GIPC2: variants seen among roughly 807,000 people sequenced by gnomAD.
GIPC2 encodes GIPC PDZ domain containing family member 2, also known as PDZ domain-containing protein GIPC2.
Under a neutral mutation model 30.6 loss-of-function variants are expected in GIPC2, and 30 were observed. That is an observed-to-expected ratio of 0.98 (90% CI 0.73 to 1.33). GIPC2 has a LOEUF of 1.33. Among genes scored for constraint, GIPC2 ranks in the 40% most tolerant of loss-of-function variants. GIPC2 has a pLI of 0.00. For synonymous variants in GIPC2, 167 were observed against 150.0 expected (o/e 1.11, Z -0.83); for missense variants, 414 against 390.3 (o/e 1.06, Z -0.51).
chr1:78,069,779 A>G (rs1661584639), intron 1 of GIPC2, among the ~76,000 whole-genome samples: 4 of 152,126 alleles, frequency 2.6e-5, no homozygotes, highest in Admixed American at 2.0e-4. Context: ...TGACCCCTGT[A>G]GTACATTTTT....
At chr1:78,133,441 C>G (rs1041849032) in intron 5 of GIPC2, among the ~76,000 whole-genome samples, 13 of 152,106 alleles carry the variant, frequency 8.5e-5, no homozygotes, top group African/African-American at 2.9e-4. Context: ...TTTGTTTGTG[C>G]ATTTAAGCAT....
At chr1:78,047,147 G>T (rs1223535644) in intron 1 of GIPC2, among the ~76,000 whole-genome samples, 1 of 152,222 alleles carries the variant, frequency 6.6e-6, no homozygotes, top group Non-Finnish European at 1.5e-5. Flanking sequence ...ACTAGTTTAT[G>T]TGAACGTTTA....
chr1:78,068,156 T>C (rs638668), intron 1 of GIPC2, among the ~76,000 whole-genome samples: 34,318 of 152,010 alleles, frequency 0.23, 4,196 homozygotes, highest in East Asian at 0.49. Flanking sequence ...TAGTAATACA[T>C]GTAGTTCTTC....
At position 78,065,234 on chromosome 1, in the gene GIPC2, T is replaced by G. The variant is rs528099605; in HGVS notation, c.241-15441T>G. Among the ~76,000 whole-genome samples the G allele has an allele frequency of 7.2e-5, 11 of 152,298 alleles. No individual in the cohort carries two copies. The South Asian group carries it at 2.1e-3, about 29-fold the overall frequency. On this transcript the variant is annotated intron_variant, in intron 1 of 5. Transcript: ENST00000370759. ...AAAAGAGTAGAACATGTGTTTGGCT[T>G]GTTAAATTTGTGATATTCTTCCTAT...
chr1:78,134,852 C>T (rs914379653), intron 5 of GIPC2, among the ~76,000 whole-genome samples: 15 of 152,170 alleles, frequency 9.9e-5, no homozygotes, highest in African/African-American at 3.6e-4. Context: ...TTTCTGGTTG[C>T]TGGTGCTTCT....
At position 78,135,677 on chromosome 1, in the gene GIPC2, G is replaced by A. The variant is rs113588229; in HGVS notation, c.882G>A (p.Ala294=). 972 of 1,613,118 alleles carry A rather than the reference G, an allele frequency of 6.0e-4. 6 individuals carry two copies. In the African/African-American group the frequency reaches 0.011, roughly 19 times the overall value. Residue 294 remains alanine (A), a synonymous_variant, in exon 6 of 6, where the codon GCG becomes GCA. Coordinates refer to ENST00000370759, the MANE Select transcript of GIPC2 (RefSeq NM_017655.6). ...TTGACGAAACTCTTGGAGACTTTGC[G>A]TTCCCAGACGAATTTGTCTTTGATG... ...VALDETLGDF[A]FPDEFVFDVW... is the part of the protein sequence containing the mutation.
intron 1 of GIPC2, among the ~76,000 whole-genome samples, chr1:78,075,451 G>A (rs1661700790): frequency 6.6e-6 from 1 of 152,172 alleles, no homozygotes; most frequent in African/African-American, 2.4e-5. Flanking sequence ...GTGAGACCCT[G>A]TCTCAAAATA....
intron 1 of GIPC2, among the ~76,000 whole-genome samples, chr1:78,059,574 C>G (rs138616793): frequency 6.6e-6 from 1 of 152,128 alleles, no homozygotes; most frequent in South Asian, 2.1e-4. Context: ...GAAATCCCCT[C>G]TCTACAAAAA....
intron 1 of GIPC2, among the ~76,000 whole-genome samples, chr1:78,074,419 C>T (rs940890879): frequency 2.1e-5 from 3 of 143,592 alleles, no homozygotes; most frequent in African/African-American, 7.8e-5. Flanking sequence ...GGTGTAGTCT[C>T]GCTGAGGCGA....
chr1:78,091,707 C>A, intron 2 of GIPC2: 2 of 774,210 alleles, frequency 2.6e-6, no homozygotes, highest in Admixed American at 3.4e-5. Flanking sequence ...CTAGAAAGCA[C>A]ATATTTGGTA....
intron 1 of GIPC2, among the ~76,000 whole-genome samples, chr1:78,062,794 C>T (rs895887991): frequency 5.9e-5 from 9 of 151,856 alleles, no homozygotes; most frequent in Admixed American, 3.9e-4. Context: ...CATGAGCCAT[C>T]GTGCCTGGCC....
At chr1:78,081,982 C>T (rs563317665) in intron 2 of GIPC2, among the ~76,000 whole-genome samples, 50 of 152,252 alleles carry the variant, frequency 3.3e-4, no homozygotes, top group African/African-American at 1.1e-3. Context: ...CATTTGTGCC[C>T]CTTCCCAGTC....
intron 2 of GIPC2, among the ~76,000 whole-genome samples, chr1:78,087,955 T>C (rs1661962784): frequency 6.6e-6 from 1 of 152,052 alleles, no homozygotes; most frequent in Non-Finnish European, 1.5e-5. Context: ...CATGAACACT[T>C]TTCAAAAGCA....
At chr1:78,126,838 A>G (rs1259760247) in intron 5 of GIPC2, among the ~76,000 whole-genome samples, 4 of 152,126 alleles carry the variant, frequency 2.6e-5, no homozygotes, top group Non-Finnish European at 5.9e-5. Flanking sequence ...AAAATGCCCA[A>G]TATTGTCGCT....
rs1661272920 is a variant in GIPC2 at position 78,055,529 on chromosome 1, C to G, written c.240+9195C>G. ...TCTAGTTGTCCTTAACCTTCCATCT[C>G]AGCCTCTCTCTCTCCCTGCTTATTC... On this transcript the variant is annotated intron_variant, in intron 1 of 5. Transcript: ENST00000370759. 2.0e-5 allele frequency among the ~76,000 whole-genome samples: 3 copies of G among 152,264 alleles called. No homozygotes were observed. In the South Asian group the frequency reaches 6.2e-4, roughly 32 times the overall value.
intron 5 of GIPC2, among the ~76,000 whole-genome samples, chr1:78,127,730 C>G (rs1313671725): frequency 4.6e-5 from 7 of 152,304 alleles, no homozygotes; most frequent in East Asian, 1.9e-4. Context: ...CACTCTGTCA[C>G]CCAGGCTGGA....
chr1:78,053,290 T>A (rs1249254683), intron 1 of GIPC2, among the ~76,000 whole-genome samples: 1 of 152,174 alleles, frequency 6.6e-6, no homozygotes, highest in Non-Finnish European at 1.5e-5. Flanking sequence ...TTCTCCTACC[T>A]TACAGATAGG....
intron 2 of GIPC2, among the ~76,000 whole-genome samples, chr1:78,088,831 T>TA (rs67286239): frequency 0.23 from 32,477 of 141,016 alleles, 3,832 homozygotes; most frequent in East Asian, 0.49. Context: ...CACTGTCTCT[T>TA]AAAAAAAAAA....
In GIPC2 at chr1:78,078,419, T is replaced by A. The variant is rs560647869; in HGVS notation, c.241-2256T>A. 3.9e-5 allele frequency among the ~76,000 whole-genome samples: 6 copies of A among 152,280 alleles called. No homozygotes were observed. The East Asian group carries it at 1.2e-3, about 29-fold the overall frequency. On this transcript the variant is annotated intron_variant, in intron 1 of 5. Transcript: ENST00000370759. ...CTCTTATTCCACCTTGCAGTGGCTA[T>A]CACATTCCTACAGGTTTTCAACACA...
Sources: allele counts gnomAD v4.1 joint callset (sites outside exome capture counted in the v4.1 genomes callset), GRCh38; gene constraint gnomAD v4.1.1; transcripts MANE v1.5; gene names NCBI Gene and HGNC (gene_info 2026-07-23, HGNC 2026-07-21).